Variants in FAF1 observed in about 807,000 individuals in gnomAD.
The protein encoded by FAF1 is Fas associated factor 1.
A neutral mutation model predicts 92.5 loss-of-function variants in FAF1; 25 were observed. The ratio of observed to expected loss-of-function variants is 0.27; its 90% CI spans 0.20 to 0.38. FAF1 has a LOEUF of 0.38. Ranked by LOEUF, FAF1 falls within the 10% of genes least tolerant of loss-of-function variation. The pLI is 1.00. For missense variants in FAF1, 636 were observed against 793.3 expected (o/e 0.80, Z 2.38); for synonymous variants, 234 against 273.2 (o/e 0.86, Z 1.42).
chr1:50,534,164 A>G (rs1284161120), intron 15 of FAF1, among the ~76,000 whole-genome samples: 1 of 152,140 alleles, frequency 6.6e-6, no homozygotes, highest in Non-Finnish European at 1.5e-5. Context: ...CTATTAGGCC[A>G]CCAAGGTTGG....
Position 50,447,194 on chromosome 1 carries a change from C to G in FAF1, c.1870-5671G>C, listed in dbSNP as rs527382434. ...AGGCTGGAGTGCAGGGGCACGATCTCGGCTCACTGCAAGCTCCGCCTCCCG... is the reference window on the plus strand; with the variant it reads ...AGGCTGGAGTGCAGGGGCACGATCTGGGCTCACTGCAAGCTCCGCCTCCCG... On this transcript the variant is annotated intron_variant, in intron 18 of 18. Coordinates refer to ENST00000396153, the MANE Select transcript of FAF1 (RefSeq NM_007051.3). Among the ~76,000 whole-genome samples the G allele has an allele frequency of 6.0e-3, 857 of 143,148 alleles. 3 individuals carry two copies. The highest frequency in any genetic ancestry group is 7.8e-3 in the Non-Finnish European group (521 of 67,082). The allele number at this position is 143,148 out of a possible 152,430, so 93.9% of individuals were successfully genotyped here.
At chr1:50,480,068 T>G (rs114698948) in intron 17 of FAF1, among the ~76,000 whole-genome samples, 1,996 of 152,308 alleles carry the variant, frequency 0.013, 41 homozygotes, top group African/African-American at 0.044. Context: ...GCTCAACAAA[T>G]ATAGTTTATT....
At chr1:50,799,765 G>A (rs1424075344) in intron 3 of FAF1, among the ~76,000 whole-genome samples, 1 of 152,008 alleles carries the variant, frequency 6.6e-6, no homozygotes, top group Admixed American at 6.6e-5. Context: ...GCATATATTC[G>A]ACTTTATTAT....
intron 4 of FAF1, 51 bp downstream of exon 4, chr1:50,787,949 T>A: frequency 6.7e-7 from 1 of 1,489,158 alleles, no homozygotes; most frequent in Admixed American, 1.7e-5. Context: ...ATAACCTGAA[T>A]GTTTACCTAA....
intron 1 of FAF1, among the ~76,000 whole-genome samples, chr1:50,868,610 C>T (rs118072079): frequency 6.6e-6 from 1 of 152,152 alleles, no homozygotes; most frequent in African/African-American, 2.4e-5. Context: ...TGTTCATTAT[C>T]ATTCAGTTCA....
chr1:50,869,218 A>T (rs1255930679), intron 1 of FAF1, among the ~76,000 whole-genome samples: 1 of 152,196 alleles, frequency 6.6e-6, no homozygotes, highest in Non-Finnish European at 1.5e-5. Flanking sequence ...TTCATAGTAT[A>T]TAATTTTCCA....
intron 14 of FAF1, among the ~76,000 whole-genome samples, chr1:50,536,579 C>T (rs1191031502): frequency 6.6e-6 from 1 of 152,134 alleles, no homozygotes; most frequent in African/African-American, 2.4e-5. Context: ...CATCTATGGT[C>T]CTTGGCAAAA....
At chr1:50,957,628 A>T (rs184466882) in intron 1 of FAF1, among the ~76,000 whole-genome samples, 13 of 152,158 alleles carry the variant, frequency 8.5e-5, no homozygotes, top group Admixed American at 2.0e-4. Flanking sequence ...CTGGGATTAC[A>T]GGCCTGAGCC....
intron 7 of FAF1, among the ~76,000 whole-genome samples, chr1:50,686,654 A>G (rs1029434455): frequency 6.6e-6 from 1 of 151,884 alleles, no homozygotes; most frequent in Non-Finnish European, 1.5e-5. Context: ...CGTATAAACT[A>G]TGGTTCCATA....
chr1:50,787,464 T>C (rs1013288918), intron 4 of FAF1, among the ~76,000 whole-genome samples: 13 of 152,212 alleles, frequency 8.5e-5, no homozygotes, highest in Non-Finnish European at 1.8e-4. Context: ...GAGGACACAA[T>C]GTTCCCCACT....
At chr1:50,740,242 G>A (rs1659328283) in intron 5 of FAF1, among the ~76,000 whole-genome samples, 3 of 152,136 alleles carry the variant, frequency 2.0e-5, no homozygotes. Flanking sequence ...AGAATGTGGG[G>A]TTGAGCTTAG....
intron 9 of FAF1, among the ~76,000 whole-genome samples, chr1:50,593,996 T>C (rs1651659506): frequency 6.6e-6 from 1 of 152,170 alleles, no homozygotes; most frequent in African/African-American, 2.4e-5. Context: ...TTTAAATACT[T>C]GAATCATGCT....
chr1:50,721,507 C>A (rs1311740237), intron 6 of FAF1, among the ~76,000 whole-genome samples: 1 of 151,912 alleles, frequency 6.6e-6, no homozygotes, highest in East Asian at 1.9e-4. Context: ...GCCACCGTGC[C>A]CGGCCGGAAA....
At chr1:50,747,553 T>A (rs1194571094) in intron 4 of FAF1, among the ~76,000 whole-genome samples, 1 of 152,136 alleles carries the variant, frequency 6.6e-6, no homozygotes, top group Admixed American at 6.5e-5. Flanking sequence ...GGCTCACAGG[T>A]AAAAGGGACC....
chr1:50,917,921 G>A (rs1236913400), intron 1 of FAF1, among the ~76,000 whole-genome samples: 2 of 152,120 alleles, frequency 1.3e-5, no homozygotes, highest in Non-Finnish European at 2.9e-5. Flanking sequence ...CATGCTGTAT[G>A]ACTTCATTTA....
intron 6 of FAF1, among the ~76,000 whole-genome samples, chr1:50,729,034 C>CTATATATATA (rs1553132882): frequency 2.3e-5 from 2 of 88,122 alleles, no homozygotes; most frequent in African/African-American, 9.8e-5. Flanking sequence ...ATCTATCTAT[C>CTATATATATA]TATATATATA....
intron 2 of FAF1, among the ~76,000 whole-genome samples, chr1:50,822,135 A>AT (rs901570819): frequency 6.6e-6 from 1 of 151,564 alleles, no homozygotes; most frequent in African/African-American, 2.4e-5. Context: ...TTCTAATTTG[A>AT]TTTTTTTTCC....
Position 50,441,474 on chromosome 1 carries a change from G to C in FAF1, c.1919C>G (p.Pro640Arg). ...TGCTTCAAGGAAAAGGGTTTCTTGA[G>C]GGAACAACTTTACCTCCAATAATGA... Reference protein sequence around the residue: ...NKSLLEVKLFPQETLFLEAKE With the variant: ...NKSLLEVKLFRQETLFLEAKE Residue 640 changes from proline (P) to arginine (R), a missense_variant, in exon 19 of 19, where the codon CCT becomes CGT. Physicochemically the swap from Pro to Arg is moderately radical, Grantham distance 103. Transcript: ENST00000396153. The C allele has an allele frequency of 6.5e-7, 1 of 1,545,592 alleles. No individual in the cohort carries two copies. The highest frequency in any genetic ancestry group is 8.8e-7 in the Non-Finnish European group (1 of 1,142,256).
intron 7 of FAF1, among the ~76,000 whole-genome samples, chr1:50,673,289 A>G (rs1348094472): frequency 6.6e-6 from 1 of 152,034 alleles, no homozygotes; most frequent in Non-Finnish European, 1.5e-5. Context: ...AAGAAAATGC[A>G]TAATGTATTG....
Sources: gnomAD v4.1 joint callset for allele counts (sites outside exome capture counted in the v4.1 genomes callset) on GRCh38, gnomAD v4.1.1 for gene constraint, MANE v1.5 for transcripts, NCBI Gene and HGNC (gene_info 2026-07-23, HGNC 2026-07-21) for gene names.